Variants in RYR2 observed in about 807,000 individuals in gnomAD.
RYR2 encodes the protein ryanodine receptor 2, also known as cardiac muscle ryanodine receptor-calcium release channel.
Under a neutral mutation model 601.1 loss-of-function variants are expected in RYR2, and 227 were observed. That is an observed-to-expected ratio of 0.38 (90% confidence interval 0.34 to 0.42). RYR2 has a LOEUF of 0.42. Among genes scored for constraint, RYR2 ranks in the 10% least tolerant of loss-of-function variants. The pLI, the probability that RYR2 is intolerant of heterozygous loss-of-function variation, is 1.00. For synonymous variants in RYR2, 2,223 were observed against 2,175.1 expected (o/e 1.02, Z -0.61); for missense variants, 4,646 against 6,156.5 (o/e 0.75, Z 8.21).
chr1:237,557,323 C>T (rs2148166373), intron 27 of RYR2, among the ~76,000 whole-genome samples: 1 of 152,260 alleles, frequency 6.6e-6, no homozygotes. Flanking sequence ...AAATGAAGCC[C>T]ACACTTTTTG....
At chr1:237,750,602 A>G (rs1440613362) in intron 80 of RYR2, among the ~76,000 whole-genome samples, 2 of 151,494 alleles carry the variant, frequency 1.3e-5, no homozygotes, top group African/African-American at 4.8e-5. Context: ...TATTAGGTAT[A>G]TTAAATATAA....
chr1:237,171,640 C>G (rs1316247234), intron 1 of RYR2, among the ~76,000 whole-genome samples: 2 of 152,162 alleles, frequency 1.3e-5, no homozygotes, highest in African/African-American at 2.4e-5. Context: ...TATCTAGAAA[C>G]AAACAAAAAT....
At chr1:237,212,264 C>T (rs964839362) in intron 1 of RYR2, among the ~76,000 whole-genome samples, 7 of 152,176 alleles carry the variant, frequency 4.6e-5, no homozygotes, top group African/African-American at 9.7e-5. Context: ...TTTAAAACTA[C>T]GTTGTGGACA....
chr1:237,204,697 C>A (rs621689), intron 1 of RYR2, among the ~76,000 whole-genome samples: 143,625 of 152,068 alleles, frequency 0.94, 68,174 homozygotes, highest in Non-Finnish European at 0.99. Context: ...CTAGAGGAGT[C>A]TTTACCTACT....
intron 34 of RYR2, among the ~76,000 whole-genome samples, chr1:237,595,921 G>A (rs1559086208): frequency 1.3e-5 from 2 of 151,952 alleles, no homozygotes; most frequent in African/African-American, 4.8e-5. Flanking sequence ...GACCACTGAG[G>A]CACTTGCAGA....
At chr1:237,200,790 T>G (rs565769474) in intron 1 of RYR2, among the ~76,000 whole-genome samples, 70 of 152,374 alleles carry the variant, frequency 4.6e-4, no homozygotes, top group African/African-American at 1.6e-3. Flanking sequence ...AGTATAATTT[T>G]GAGTGCATAT....
intron 47 of RYR2, among the ~76,000 whole-genome samples, chr1:237,641,527 T>TTCTTTC (rs780233465): frequency 9.0e-6 from 1 of 110,718 alleles, no homozygotes; most frequent in Admixed American, 8.4e-5. Flanking sequence ...CTTTCTTTCT[T>TTCTTTC]TTTCTTTCTT....
intron 1 of RYR2, among the ~76,000 whole-genome samples, chr1:237,183,860 A>C (rs1039452818): frequency 6.6e-6 from 1 of 152,236 alleles, no homozygotes; most frequent in Non-Finnish European, 1.5e-5. Context: ...AAGGCAGCTG[A>C]TACTAGTTAG....
At chr1:237,099,514 A>G (rs937431940) in intron 1 of RYR2, among the ~76,000 whole-genome samples, 4 of 152,166 alleles carry the variant, frequency 2.6e-5, no homozygotes, top group African/African-American at 9.7e-5. Flanking sequence ...CTGGGTTTAC[A>G]GATGTGAGCC....
At chr1:237,591,661 CAATT>C in intron 31 of RYR2, 74 bp from the exon 32 acceptor site, 3 of 1,206,116 alleles carry the variant, frequency 2.5e-6, no homozygotes, top group Non-Finnish European at 2.4e-6. Context: ...TAAGGCAACT[CAATT>C]GATTATATGC....
chr1:237,294,524 C>T (rs191737752), intron 2 of RYR2, among the ~76,000 whole-genome samples: 8 of 151,860 alleles, frequency 5.3e-5, no homozygotes, highest in African/African-American at 1.9e-4. Context: ...TATTTGGTGT[C>T]TATTGAGAAA....
In RYR2 at chr1:237,792,398, C is replaced by CATGT. The variant is rs1208052252; in HGVS notation, c.13782+75_13782+76insATGT. On this transcript the variant is annotated intron_variant, in intron 94 of 104. Transcript: ENST00000366574. ...GTGTGTGTGCGTGTGTGTGTGTGTG[C>CATGT]GTGTGTGTGTGTGTGTGTGTGTGTG... 7.2e-4 allele frequency: 352 copies of CATGT among 489,940 alleles called. 2 individuals carry two copies. In the East Asian group the frequency reaches 8.6e-3, roughly 12 times the overall value. The allele number at this position is 489,940 out of a possible 1,614,324, so 30.3% of individuals were successfully genotyped here.
chr1:237,205,281 G>A lies in RYR2; in HGVS notation c.49-65216G>A, dbSNP rs145487778. Among the ~76,000 whole-genome samples, 624 of 152,260 alleles carry A rather than the reference G, an allele frequency of 4.1e-3. 6 individuals carry two copies. Among genetic ancestry groups the A allele is most frequent in the African/African-American group, 0.014 (573 of 41,550 alleles). On this transcript the variant is annotated intron_variant, in intron 1 of 104. Coordinates refer to ENST00000366574, the MANE Select transcript of RYR2 (RefSeq NM_001035.3). Reference sequence around the variant, plus strand: ...ACAGGGTTCCGAGTGCTGAGTTGTGGCCCACAGGTGACTGGCAAGGGGAGG... The same window carrying A: ...ACAGGGTTCCGAGTGCTGAGTTGTGACCCACAGGTGACTGGCAAGGGGAGG...
chr1:237,273,012 G>A (rs532304100), intron 2 of RYR2, among the ~76,000 whole-genome samples: 1 of 152,210 alleles, frequency 6.6e-6, no homozygotes, highest in Admixed American at 6.5e-5. Flanking sequence ...CCCATGAACC[G>A]GGGCTGGAGG....
chr1:237,309,330 T>C (rs1455682542), intron 2 of RYR2, among the ~76,000 whole-genome samples: 3 of 151,538 alleles, frequency 2.0e-5, no homozygotes, highest in African/African-American at 7.3e-5. Context: ...AGAGCACTGA[T>C]TGGTGCATTT....
Position 237,643,332 on chromosome 1 carries a change from T to G in RYR2, c.7227T>G (p.Ile2409Met). ...TTTTTTTTTCCCCTGTATAGTTGATTCATGCCGGGAAGGGAGAAGCCATCA... is the reference window on the plus strand; with the variant it reads ...TTTTTTTTTCCCCTGTATAGTTGATGCATGCCGGGAAGGGAGAAGCCATCA... ...LGRCAPEMHL[I>M]HAGKGEAIRI... The change falls in exon 48 of 105, where the codon ATT becomes ATG. Residue 2409 changes from isoleucine to methionine, a missense_variant. Around this residue, in one of 17 missense-constraint regions of RYR2, gnomAD observed 1,497 missense variants for 1,842.6 expected, o/e 0.81. Coordinates refer to ENST00000366574, the MANE Select transcript of RYR2 (RefSeq NM_001035.3). The G allele has an allele frequency of 6.2e-7, 1 of 1,613,738 alleles. No individual in the cohort carries two copies. The highest frequency in any genetic ancestry group is 1.1e-5 in the South Asian group (1 of 91,042).
intron 8 of RYR2, among the ~76,000 whole-genome samples, chr1:237,381,501 A>G (rs1415980200): frequency 6.6e-6 from 1 of 152,182 alleles, no homozygotes; most frequent in African/African-American, 2.4e-5. Context: ...CCAGTCATTG[A>G]TTTTACAACT....
intron 1 of RYR2, among the ~76,000 whole-genome samples, chr1:237,079,536 A>C (rs1178366134): frequency 2.3e-4 from 7 of 29,950 alleles, no homozygotes; most frequent in Admixed American, 4.4e-4. Flanking sequence ...CAATTGCTTC[A>C]AAGAGAATAA....
At chr1:237,783,570 A>G (rs1182510919) in intron 89 of RYR2, 105 bp from the exon 90 acceptor site, 6 of 672,972 alleles carry the variant, frequency 8.9e-6, no homozygotes, top group African/African-American at 1.8e-5. Context: ...ATAAACAGGG[A>G]CATATCCTTG....
Sources: allele counts gnomAD v4.1 joint callset (sites outside exome capture counted in the v4.1 genomes callset), GRCh38; gene constraint gnomAD v4.1.1; regional missense constraint gnomAD v4.1.1; transcripts MANE v1.5; gene names NCBI Gene and HGNC (gene_info 2026-07-23, HGNC 2026-07-21).